Variants in NSF observed in about 807,000 individuals in gnomAD.
The protein encoded by NSF is N-ethylmaleimide sensitive factor, vesicle fusing ATPase.
In NSF, 14 loss-of-function variants were observed where a neutral mutation model predicts 50.3. The ratio of observed to expected loss-of-function variants is 0.28; its 90% CI spans 0.18 to 0.44. NSF has a LOEUF of 0.44. NSF is among the 20% of genes least tolerant of loss of function. NSF has a pLI of 1.00. For synonymous variants in NSF, 109 were observed against 175.7 expected (o/e 0.62, Z 3.00); for missense variants, 218 against 504.3 (o/e 0.43, Z 5.44).
intron 17 of NSF, 82 bp from the exon 18 acceptor site, chr17:46,749,691 T>C (rs1403460223): frequency 1.5e-6 from 2 of 1,301,138 alleles, no homozygotes; most frequent in Non-Finnish European, 2.1e-6. Context: ...TAAAAGTCTT[T>C]TGCAAATTGT....
At chr17:46,595,492 CT>C (rs1189885490) in intron 1 of NSF, among the ~76,000 whole-genome samples, 69 of 96,048 alleles carry the variant, frequency 7.2e-4, no homozygotes, top group Admixed American at 1.0e-3. Context: ...ATCACTGGAT[CT>C]TTTTTTTTTT....
intron 15 of NSF, among the ~76,000 whole-genome samples, chr17:46,720,114 G>T (rs1191772906): frequency 1.3e-5 from 2 of 152,150 alleles, no homozygotes; most frequent in Non-Finnish European, 2.9e-5. Context: ...CTGGAAATTG[G>T]ATCTTTTGAC....
At chr17:46,721,151 A>C (rs1007575732) in intron 15 of NSF, among the ~76,000 whole-genome samples, 3 of 151,800 alleles carry the variant, frequency 2.0e-5, no homozygotes, top group Non-Finnish European at 4.4e-5. Flanking sequence ...CATGTGGCAC[A>C]CTCTTGCCTT....
At chr17:46,708,438 A>G (rs2058678307) in intron 13 of NSF, among the ~76,000 whole-genome samples, 1 of 150,040 alleles carries the variant, frequency 6.7e-6, no homozygotes, top group African/African-American at 2.5e-5. Context: ...TTTCGTAATG[A>G]TTAGTGGTGA....
At chr17:46,717,765 G>A (rs917760606) in intron 15 of NSF, among the ~76,000 whole-genome samples, 4 of 152,112 alleles carry the variant, frequency 2.6e-5, no homozygotes, top group Non-Finnish European at 5.9e-5. Context: ...TGGCAGTGGC[G>A]GTGGCAGGGA....
rs1232153725 is a variant in NSF, at chr17:46,728,945, A to T, written c.1908+11A>T. The T allele has an allele frequency of 4.7e-6, 7 of 1,478,536 alleles. No individual in the cohort carries two copies. The East Asian group carries it at 1.6e-4, about 34-fold the overall frequency. 91.6% of individuals were successfully genotyped at this position (1,478,536 alleles called of 1,614,324 possible). On this transcript the variant is annotated intron_variant, in intron 17 of 20. Coordinates refer to ENST00000398238, the MANE Select transcript of NSF (RefSeq NM_006178.4). ...AAGGCACCTCCTCAGGTAAAATAAT[A>T]CTACTAATAAGGAATATTTTAACAA...
chr17:46,679,644 A>T (rs1264275883), intron 9 of NSF, among the ~76,000 whole-genome samples: 2 of 142,652 alleles, frequency 1.4e-5, no homozygotes, highest in African/African-American at 5.2e-5. Context: ...GTGAGCCAAG[A>T]TCGTGCCACT....
At chr17:46,741,645 A>C (rs1216818387) in intron 17 of NSF, among the ~76,000 whole-genome samples, 4 of 152,174 alleles carry the variant, frequency 2.6e-5, no homozygotes, top group Non-Finnish European at 1.5e-5. Flanking sequence ...TCAGAAATGC[A>C]TGCAAAGAGG....
At chr17:46,661,378 TTTA>T (rs892367324) in intron 8 of NSF, among the ~76,000 whole-genome samples, 8,631 of 106,498 alleles carry the variant, frequency 0.081, 9 homozygotes, top group Middle Eastern at 0.13. Context: ...TACATTTCTT[TTTA>T]TTATTATTAT....
At chr17:46,755,722 ATTTTTTT>A (rs71138549) in intron 20 of NSF, 73 bp from the exon 21 acceptor site, 6 of 1,045,692 alleles carry the variant, frequency 5.7e-6, no homozygotes, top group Admixed American at 2.9e-5. Context: ...GCTTTTAGTG[ATTTTTTT>A]TTTTTTTTTT....
chr17:46,754,643 G>A (rs948194098), intron 19 of NSF, among the ~76,000 whole-genome samples: 5 of 152,178 alleles, frequency 3.3e-5, no homozygotes, highest in Admixed American at 1.3e-4. Context: ...AAAACCAGTC[G>A]AGATAGCTAA....
chr17:46,744,624 A>G (rs960054519), intron 17 of NSF, among the ~76,000 whole-genome samples: 7 of 152,080 alleles, frequency 4.6e-5, no homozygotes, highest in Admixed American at 6.6e-5. Context: ...ATTTAGGGAA[A>G]AAAAAAAGCT....
chr17:46,749,660 A>T, intron 17 of NSF, 113 bp from the exon 18 acceptor site: 1 of 1,007,154 alleles, frequency 9.9e-7, no homozygotes, highest in Non-Finnish European at 1.4e-6. Context: ...TTGCCTAATC[A>T]TTTGCATCGG....
chr17:46,622,353 G>A (rs2058074659), intron 1 of NSF, among the ~76,000 whole-genome samples: 1 of 150,130 alleles, frequency 6.7e-6, no homozygotes, highest in Admixed American at 6.6e-5. Context: ...AGCTACTTGG[G>A]AGGCTGAGGC....
At chr17:46,740,661 TC>T (rs2059061044) in intron 17 of NSF, among the ~76,000 whole-genome samples, 1 of 151,394 alleles carries the variant, frequency 6.6e-6, no homozygotes, top group Non-Finnish European at 1.5e-5. Flanking sequence ...TTTATCTTTT[TC>T]TTTTTTTTTT....
rs1416863476 is a variant in NSF, at chr17:46,630,972, A to G, written c.238+522A>G. 6.5e-5 allele frequency among the ~76,000 whole-genome samples: 9 copies of G among 137,828 alleles called. 1 individual carries two copies. Among genetic ancestry groups the G allele is most frequent in the African/African-American group, 2.7e-4 (9 of 32,910 alleles). The allele number at this position is 137,828 out of a possible 152,430, so 90.4% of individuals were successfully genotyped here. On this transcript the variant is annotated intron_variant, in intron 4 of 20. Coordinates refer to ENST00000398238, the MANE Select transcript of NSF (RefSeq NM_006178.4). ...CAAAAATAATACGAAGAATTTCTGT[A>G]TACTACCTTTACCCAGCTTTACCAA... is the stretch of plus-strand genomic sequence containing the variant.
At position 46,756,137 on chromosome 17, in the gene NSF, C is replaced by G. The variant is rs560605875; in HGVS notation, c.*314C>G. The G allele has an allele frequency of 1.3e-4, 34 of 266,654 alleles. No individual in the cohort carries two copies. In the East Asian group the frequency reaches 2.1e-3, roughly 17 times the overall value. 16.5% of individuals were successfully genotyped at this position (266,654 alleles called of 1,614,324 possible). A position where few individuals can be genotyped will look rare whatever the true frequency, so the allele number is the denominator to read the frequency against. On this transcript the variant is annotated 3_prime_UTR_variant, in exon 21 of 21. Coordinates refer to ENST00000398238, the MANE Select transcript of NSF (RefSeq NM_006178.4). ...ACTTGTGGACACTACACGTTTCAAC[C>G]TCTCTACTAGCACCATCACCCTTGA...
At chr17:46,753,075 C>A (rs2059198655) in intron 19 of NSF, among the ~76,000 whole-genome samples, 1 of 152,202 alleles carries the variant, frequency 6.6e-6, no homozygotes, top group South Asian at 2.1e-4. Context: ...GGCCAGTAAA[C>A]TTCTGTTGGA....
chr17:46,750,832 C>A, intron 18 of NSF, among the ~76,000 whole-genome samples: 1 of 150,438 alleles, frequency 6.6e-6, no homozygotes, highest in African/African-American at 2.4e-5. Flanking sequence ...ATGATTAAAG[C>A]CTTAGAAATG....
Sources: gnomAD v4.1 joint callset for allele counts (sites outside exome capture counted in the v4.1 genomes callset) on GRCh38, gnomAD v4.1.1 for gene constraint, MANE v1.5 for transcripts, NCBI Gene and HGNC (gene_info 2026-07-23, HGNC 2026-07-21) for gene names.